ANO4: variants seen among roughly 807,000 people sequenced by gnomAD.
ANO4 encodes anoctamin-4.
In ANO4, 69 loss-of-function variants were observed where a neutral mutation model predicts 141.9. That is an observed-to-expected ratio of 0.49 (90% CI 0.40 to 0.59). The LOEUF (loss-of-function observed/expected upper bound fraction) is 0.59. Ranked by LOEUF, ANO4 falls within the 20% of genes least tolerant of loss-of-function variation. ANO4 has a pLI of 0.00. For missense variants in ANO4, 894 were observed against 1,162.2 expected, an observed-to-expected ratio of 0.77 and a Z score of 3.36; for synonymous variants, 350 against 394.3, an observed-to-expected ratio of 0.89 and a Z score of 1.33.
chr12:100,911,525 A>G (rs2041104277), intron 2 of ANO4, among the ~76,000 whole-genome samples: 1 of 152,200 alleles, frequency 6.6e-6, no homozygotes, highest in African/African-American at 2.4e-5. Context: ...AGTGTAAGTG[A>G]TGTCCACTTT....
chr12:100,789,685 A>G (rs2033979653), intron 3 of ANO4, among the ~76,000 whole-genome samples: 1 of 152,314 alleles, frequency 6.6e-6, no homozygotes, highest in African/African-American at 2.4e-5. Flanking sequence ...TACTTAAACC[A>G]TAGAAACTCC....
At chr12:100,938,771 G>A (rs1304056199) in intron 3 of ANO4, among the ~76,000 whole-genome samples, 11 of 152,098 alleles carry the variant, frequency 7.2e-5, no homozygotes, top group Admixed American at 2.0e-4. Flanking sequence ...AAGAAAAAAG[G>A]CCAAAAATCT....
At chr12:100,843,383 T>C (rs2037385620) in intron 1 of ANO4, among the ~76,000 whole-genome samples, 1 of 152,194 alleles carries the variant, frequency 6.6e-6, no homozygotes, top group Admixed American at 6.5e-5. Context: ...ATTGTAACTC[T>C]GTAAAAATAT....
intron 8 of ANO4, among the ~76,000 whole-genome samples, chr12:101,006,566 C>T (rs888593583): frequency 6.6e-6 from 1 of 152,100 alleles, no homozygotes; most frequent in Admixed American, 6.6e-5. Flanking sequence ...CCTAAGTATC[C>T]ACTAGCAAGA....
chr12:101,086,112 G>GTT (rs1404252001), intron 16 of ANO4, among the ~76,000 whole-genome samples: 5 of 151,382 alleles, frequency 3.3e-5, no homozygotes, highest in African/African-American at 1.2e-4. Flanking sequence ...GTGTGTGTGT[G>GTT]TGTGTGTGTG....
chr12:100,972,423 T>TA (rs1210041484), intron 6 of ANO4, among the ~76,000 whole-genome samples: 1 of 152,208 alleles, frequency 6.6e-6, no homozygotes, highest in Non-Finnish European at 1.5e-5. Context: ...CTGTATGTCC[T>TA]AATACCAAGT....
At chr12:101,027,929 G>A (rs538465285) in intron 9 of ANO4, among the ~76,000 whole-genome samples, 3 of 152,154 alleles carry the variant, frequency 2.0e-5, no homozygotes, top group Non-Finnish European at 4.4e-5. Flanking sequence ...ACTGGCATCA[G>A]GTTGGAGCCC....
chr12:100,983,851 A>G (rs1283666733), intron 7 of ANO4, among the ~76,000 whole-genome samples: 2 of 152,212 alleles, frequency 1.3e-5, no homozygotes, highest in African/African-American at 4.8e-5. Context: ...TTTGCCATGT[A>G]ACATAACATA....
chr12:100,945,284 T>G (rs2042678656), intron 5 of ANO4, among the ~76,000 whole-genome samples: 1 of 152,216 alleles, frequency 6.6e-6, no homozygotes, highest in Non-Finnish European at 1.5e-5. Context: ...AATCTTTAAT[T>G]CATGATAAAA....
intron 1 of ANO4, among the ~76,000 whole-genome samples, chr12:100,815,907 A>C (rs1029026574): frequency 6.6e-6 from 1 of 152,112 alleles, no homozygotes; most frequent in Non-Finnish European, 1.5e-5. Context: ...GTAAGCAATA[A>C]TACTTTTATC....
chr12:100,966,884 TACACACACACAC>T (rs139462317), intron 5 of ANO4, among the ~76,000 whole-genome samples: 2 of 147,470 alleles, frequency 1.4e-5, no homozygotes, highest in Admixed American at 1.4e-4. Flanking sequence ...CACACACACA[TACACACACACAC>T]ACACACACAT....
intron 14 of ANO4, among the ~76,000 whole-genome samples, chr12:101,074,510 C>T (rs1202778096): frequency 6.6e-6 from 1 of 152,202 alleles, no homozygotes; most frequent in East Asian, 1.9e-4. Flanking sequence ...GCAAGGGTAT[C>T]TGGAAAATAC....
chr12:100,917,108 T>C (rs1251854272), intron 2 of ANO4, among the ~76,000 whole-genome samples: 1 of 152,212 alleles, frequency 6.6e-6, no homozygotes, highest in Non-Finnish European at 1.5e-5. Context: ...AATTAAGTAT[T>C]GAGTATAACT....
chr12:100,817,116 G>A (rs2035778139), intron 1 of ANO4, among the ~76,000 whole-genome samples: 1 of 151,782 alleles, frequency 6.6e-6, no homozygotes, highest in Non-Finnish European at 1.5e-5. Flanking sequence ...AAAATTCAAT[G>A]AGCAATATGA....
intron 3 of ANO4, among the ~76,000 whole-genome samples, chr12:100,937,353 T>C (rs1468262349): frequency 6.6e-6 from 1 of 152,186 alleles, no homozygotes; most frequent in African/African-American, 2.4e-5. Flanking sequence ...TTAAGGATTG[T>C]GTTAAGTGCT....
chr12:101,043,742 A>G (rs79284486), intron 13 of ANO4, 107 bp downstream of exon 13: 50,887 of 785,700 alleles, frequency 0.065, 2,024 homozygotes, highest in Non-Finnish European at 0.077. Flanking sequence ...TTTTCAAGTG[A>G]ATGTTGTAGG....
At position 100,760,868 on chromosome 12, in the gene ANO4, C is replaced by T. The variant is rs540867001; in HGVS notation, c.358+20763C>T. On this transcript the variant is annotated intron_variant, in intron 3 of 29. Coordinates refer to the ANO4 transcript ENST00000644049. ...GTACCTTTTGGGCTTGTTTGGATAGCGAAGTCAAGGTGGAGAAACTCATCA... is the reference window on the plus strand; with the variant it reads ...GTACCTTTTGGGCTTGTTTGGATAGTGAAGTCAAGGTGGAGAAACTCATCA... Among the ~76,000 whole-genome samples the T allele has an allele frequency of 9.9e-5, 15 of 152,206 alleles. 1 individual carries two copies. Among genetic ancestry groups the T allele is most frequent in the African/African-American group, 3.6e-4 (15 of 41,534 alleles).
At chr12:100,782,693 C>T (rs1186173961) in intron 3 of ANO4, among the ~76,000 whole-genome samples, 1 of 152,184 alleles carries the variant, frequency 6.6e-6, no homozygotes, top group Non-Finnish European at 1.5e-5. Context: ...TAATACCTTA[C>T]TTGTAAGTTG....
chr12:100,866,665 G>T (rs894193114), intron 1 of ANO4, among the ~76,000 whole-genome samples: 2 of 152,248 alleles, frequency 1.3e-5, no homozygotes, highest in South Asian at 4.1e-4. Context: ...TGTGTTTCCT[G>T]ATAGAAGCAT....
Sources: allele counts gnomAD v4.1 joint callset (sites outside exome capture counted in the v4.1 genomes callset), GRCh38; gene constraint gnomAD v4.1.1; transcripts MANE v1.5; gene names NCBI Gene and HGNC (gene_info 2026-07-23, HGNC 2026-07-21).